Variants in LRRC4C observed in about 807,000 individuals in gnomAD.
LRRC4C encodes the protein leucine rich repeat containing 4C.
In LRRC4C, 5 loss-of-function variants were observed where a neutral mutation model predicts 33.6. That is an observed-to-expected ratio of 0.15 (90% CI 0.08 to 0.31). The LOEUF (loss-of-function observed/expected upper bound fraction) is 0.31. LRRC4C is among the 10% of genes least tolerant of loss of function. The probability of loss-of-function intolerance (pLI) is 1.00; values close to 1 mark genes in which losing one functional copy is unlikely to be tolerated. For synonymous variants in LRRC4C, 329 were observed against 302.0 expected (o/e 1.09, Z -0.93); for missense variants, 560 against 796.7 (o/e 0.70, Z 3.58).
intron 2 of LRRC4C, among the ~76,000 whole-genome samples, chr11:40,845,107 T>A (rs139149737): frequency 1.3e-5 from 2 of 152,286 alleles, no homozygotes; most frequent in Non-Finnish European, 1.5e-5. Context: ...AATTTTAATT[T>A]GTTAATTTTT....
At chr11:40,927,394 GA>G (rs202024011) in intron 2 of LRRC4C, among the ~76,000 whole-genome samples, 96 of 145,902 alleles carry the variant, frequency 6.6e-4, no homozygotes, top group Middle Eastern at 7.0e-3. Context: ...TTAAAAAAAG[GA>G]AAAAAAAAAG....
chr11:40,241,765 C>T (rs1171138162), intron 4 of LRRC4C, 167 bp from the exon 5 acceptor site: 2 of 152,132 alleles, frequency 1.3e-5, no homozygotes, highest in African/African-American at 2.4e-5. Flanking sequence ...ATTGATGTTC[C>T]AACTCATTGA....
intron 5 of LRRC4C, among the ~76,000 whole-genome samples, chr11:40,188,750 A>C (rs1861604199): frequency 6.6e-6 from 1 of 152,110 alleles, no homozygotes; most frequent in African/African-American, 2.4e-5. Flanking sequence ...ATCTACATCC[A>C]ATGCCAAATA....
intron 2 of LRRC4C, among the ~76,000 whole-genome samples, chr11:40,893,863 G>A (rs116370896): frequency 0.013 from 1,985 of 150,962 alleles, 49 homozygotes; most frequent in African/African-American, 0.046. Flanking sequence ...TCACACAGAG[G>A]CATATATATC....
At chr11:41,202,313 C>G (rs1946430612) in intron 1 of LRRC4C, among the ~76,000 whole-genome samples, 1 of 152,176 alleles carries the variant, frequency 6.6e-6, no homozygotes, top group Non-Finnish European at 1.5e-5. Flanking sequence ...CTCATCATCT[C>G]TGCATTATGT....
intron 3 of LRRC4C, among the ~76,000 whole-genome samples, chr11:40,597,228 T>C (rs1031069230): frequency 6.6e-6 from 1 of 152,158 alleles, no homozygotes; most frequent in African/African-American, 2.4e-5. Flanking sequence ...GTATTTGTGC[T>C]CATTGACTAT....
At chr11:40,297,442 G>T (rs1269638002) in intron 4 of LRRC4C, among the ~76,000 whole-genome samples, 2 of 152,000 alleles carry the variant, frequency 1.3e-5, no homozygotes, top group Non-Finnish European at 2.9e-5. Flanking sequence ...TCAATACTCA[G>T]CAGGAGTTTA....
chr11:41,203,996 A>G (rs1946499746), intron 1 of LRRC4C, among the ~76,000 whole-genome samples: 1 of 152,144 alleles, frequency 6.6e-6, no homozygotes, highest in Non-Finnish European at 1.5e-5. Context: ...AGCCACATGC[A>G]ATTGTCAGAT....
intron 1 of LRRC4C, among the ~76,000 whole-genome samples, chr11:41,163,301 T>TTTTTTTTTTTTTTTTTC (rs71063903): frequency 7.1e-6 from 1 of 140,508 alleles, no homozygotes; most frequent in Non-Finnish European, 1.5e-5. Flanking sequence ...TTTTTTTTTT[T>TTTTTTTTTTTTTTTTTC]CAAACAGGGT....
chr11:40,458,982 T>C (rs1201254847), intron 3 of LRRC4C, among the ~76,000 whole-genome samples: 1 of 152,054 alleles, frequency 6.6e-6, no homozygotes, highest in Non-Finnish European at 1.5e-5. Flanking sequence ...GATACAGAGA[T>C]AAAAATGGAC....
At chr11:41,002,815 T>A (rs1173861786) in intron 1 of LRRC4C, among the ~76,000 whole-genome samples, 1 of 152,104 alleles carries the variant, frequency 6.6e-6, no homozygotes, top group African/African-American at 2.4e-5. Flanking sequence ...ATGCTCAGGA[T>A]ATGTGTTAAG....
chr11:40,249,614 G>A (rs1475169975), intron 4 of LRRC4C, among the ~76,000 whole-genome samples: 1 of 150,608 alleles, frequency 6.6e-6, no homozygotes, highest in African/African-American at 2.4e-5. Flanking sequence ...ATATATGTAT[G>A]CGTATACACA....
At chr11:40,235,337 T>C (rs1865482736) in intron 5 of LRRC4C, among the ~76,000 whole-genome samples, 1 of 152,232 alleles carries the variant, frequency 6.6e-6, no homozygotes, top group Non-Finnish European at 1.5e-5. Context: ...TTAGCATAAC[T>C]ATTATTTGTG....
chr11:40,544,865 G>T (rs1956855304), intron 3 of LRRC4C, among the ~76,000 whole-genome samples: 1 of 151,624 alleles, frequency 6.6e-6, no homozygotes, highest in Non-Finnish European at 1.5e-5. Context: ...TTAATACATG[G>T]TCAGAATCTA....
intron 3 of LRRC4C, among the ~76,000 whole-genome samples, chr11:40,535,577 G>A (rs914118489): frequency 1.3e-5 from 2 of 152,160 alleles, no homozygotes; most frequent in African/African-American, 4.8e-5. Context: ...TGCCAACAAA[G>A]TTATTTGAAA....
At chr11:41,072,235 T>C (rs1339921214) in intron 1 of LRRC4C, among the ~76,000 whole-genome samples, 1 of 67,838 alleles carries the variant, frequency 1.5e-5, no homozygotes, top group Non-Finnish European at 3.2e-5. Context: ...CTGCATGCTA[T>C]AGAGAAATCT....
intron 1 of LRRC4C, among the ~76,000 whole-genome samples, chr11:41,042,159 C>T (rs1857479186): frequency 6.6e-6 from 1 of 152,108 alleles, no homozygotes; most frequent in Non-Finnish European, 1.5e-5. Context: ...ACTACTTGTT[C>T]CATGATGATA....
At chr11:41,103,297 G>T (rs1941306374) in intron 1 of LRRC4C, among the ~76,000 whole-genome samples, 1 of 151,892 alleles carries the variant, frequency 6.6e-6, no homozygotes, top group Non-Finnish European at 1.5e-5. Context: ...TTGTTGTTCA[G>T]AGTAGTTCCA....
intron 5 of LRRC4C, among the ~76,000 whole-genome samples, chr11:40,189,088 T>C (rs1861628565): frequency 6.6e-6 from 1 of 152,198 alleles, no homozygotes. Flanking sequence ...ATTCATACGC[T>C]TGGGCTCTAA....
Sources: gnomAD v4.1 joint callset for allele counts (sites outside exome capture counted in the v4.1 genomes callset) on GRCh38, gnomAD v4.1.1 for gene constraint, MANE v1.5 for transcripts, NCBI Gene and HGNC (gene_info 2026-07-23, HGNC 2026-07-21) for gene names.